The following LANCL1 variants were observed in gnomAD, a reference collection of about 807,000 sequenced individuals.
LANCL1 encodes the protein glutathione S-transferase LANCL1.
A neutral mutation model predicts 50.6 loss-of-function variants in LANCL1; 50 were observed. The ratio of observed to expected loss-of-function variants is 0.99; its 90% CI spans 0.79 to 1.25. The LOEUF is 1.25. Ranked by LOEUF, LANCL1 falls within the 50% of genes most tolerant of loss-of-function variation. LANCL1 has a pLI of 0.00. For synonymous variants in LANCL1, 188 were observed against 178.6 expected, an observed-to-expected ratio of 1.05 and a Z score of -0.42; for missense variants, 532 against 480.7, an observed-to-expected ratio of 1.11 and a Z score of -1.00.
At chr2:210,471,658 C>T (rs1694227492) in intron 3 of LANCL1, 1 of 533,396 alleles carries the variant, frequency 1.9e-6, no homozygotes, top group African/African-American at 1.9e-5. Context: ...GAAATTACAT[C>T]TGCAAATTAA....
Position 210,446,847 on chromosome 2 carries a change from GA to G in LANCL1, c.408-5405del, listed in dbSNP as rs1231133030. Among the ~76,000 whole-genome samples the G allele has an allele frequency of 1.3e-5, 2 of 152,098 alleles. 1 individual carries two copies. ...GAACGAAAGCCTCCAAGAAATAACG[GA>G]CTATGTGAAAAGATCAAACCTACAT... On this transcript the variant is annotated intron_variant, in intron 4 of 9. Coordinates refer to ENST00000450366, the MANE Select transcript of LANCL1 (RefSeq NM_006055.3).
At chr2:210,435,804 G>GT (rs1692908229) in intron 8 of LANCL1, among the ~76,000 whole-genome samples, 1 of 148,438 alleles carries the variant, frequency 6.7e-6, no homozygotes, top group African/African-American at 2.5e-5. Flanking sequence ...TTAAATAACT[G>GT]TATTTGTTAT....
rs138444585 is a variant in LANCL1, at chr2:210,455,262, G to A, written c.252C>T (p.Tyr84=). Residue 84 remains tyrosine (Y), a synonymous_variant, in exon 4 of 10, where the codon TAC becomes TAT. Coordinates refer to ENST00000450366, the MANE Select transcript of LANCL1 (RefSeq NM_006055.3). Reference sequence around the variant, plus strand: ...TTACATAGCCATGTGCTAACTGTAGGTAGGCAGGGTCCCCAAATACATCAT... The same window carrying A: ...TTACATAGCCATGTGCTAACTGTAGATAGGCAGGGTCCCCAAATACATCAT... ...HLYDVFGDPA[Y]LQLAHGYVKQ... 1.9e-4 allele frequency: 308 copies of A among 1,612,304 alleles called. No homozygotes were observed. The African/African-American group carries it at 2.7e-3, about 14-fold the overall frequency.
intron 4 of LANCL1, among the ~76,000 whole-genome samples, chr2:210,450,255 A>C (rs944406721): frequency 6.6e-6 from 1 of 152,202 alleles, no homozygotes; most frequent in African/African-American, 2.4e-5. Flanking sequence ...AGGATTCCCT[A>C]CTTAATAAAT....
chr2:210,470,127 G>C (rs531632148), intron 3 of LANCL1, among the ~76,000 whole-genome samples: 1 of 152,114 alleles, frequency 6.6e-6, no homozygotes, highest in Non-Finnish European at 1.5e-5. Flanking sequence ...TTCAAACCAC[G>C]ATAATTTTAA....
In LANCL1 at chr2:210,476,604, A is replaced by G. The variant is rs2105934660; in HGVS notation, c.-17+16T>C. 1 of 1,362,752 alleles carries G rather than the reference A, an allele frequency of 7.3e-7. No homozygotes were observed. The highest frequency in any genetic ancestry group is 1.8e-5 in the South Asian group (1 of 54,852). 84.4% of individuals were successfully genotyped at this position (1,362,752 alleles called of 1,614,324 possible). On this transcript the variant is annotated intron_variant, in intron 1 of 9. Coordinates refer to ENST00000450366, the MANE Select transcript of LANCL1 (RefSeq NM_006055.3). ...ATGGCGCCTTCGCGAAAAAGCTGCC[A>G]GGGCCCTTAACCCACCCGGACAAAG...
In LANCL1 at chr2:210,437,815, A is replaced by G. The variant is rs770914517; in HGVS notation, c.748T>C (p.Tyr250His). ...GAAGGGAATTTCAGCTGGCAGACGT[A>G]GTCTACACTGGGCTTGACCAAACTA... is the stretch of plus-strand genomic sequence containing the variant. ...LHSLVKPSVD[Y>H]VCQLKFPSGN... Residue 250 changes from tyrosine to histidine, a missense_variant, in exon 7 of 10, where the codon TAC (tyrosine) becomes CAC (histidine). Transcript: ENST00000450366. 1.5e-5 allele frequency: 25 copies of G among 1,613,384 alleles called. No homozygotes were observed. The East Asian group carries it at 5.4e-4, about 35-fold the overall frequency.
At chr2:210,442,408 C>T (rs2105892944) in intron 4 of LANCL1, 1 of 152,300 alleles carries the variant, frequency 6.6e-6, no homozygotes. Flanking sequence ...GACAATGGTT[C>T]CATAACAGCA....
At chr2:210,475,920 TCTC>T (rs1318477884) in intron 2 of LANCL1, among the ~76,000 whole-genome samples, 1 of 152,182 alleles carries the variant, frequency 6.6e-6, no homozygotes, top group African/African-American at 2.4e-5. Context: ...CACCGTTTGC[TCTC>T]ATCATTACCC....
At chr2:210,463,389 T>C (rs533972832) in intron 3 of LANCL1, among the ~76,000 whole-genome samples, 3 of 152,120 alleles carry the variant, frequency 2.0e-5, no homozygotes, top group African/African-American at 4.8e-5. Flanking sequence ...TAAAGTTTTT[T>C]TGAGGTTTAG....
chr2:210,473,174 G>T (rs1054412034), intron 2 of LANCL1, among the ~76,000 whole-genome samples: 1 of 152,124 alleles, frequency 6.6e-6, no homozygotes, highest in African/African-American at 2.4e-5. Flanking sequence ...TTAGGAGTTC[G>T]AGACCAGTCT....
intron 6 of LANCL1, among the ~76,000 whole-genome samples, chr2:210,438,125 TTTTC>T (rs1206404462): frequency 1.3e-5 from 2 of 151,332 alleles, no homozygotes; most frequent in African/African-American, 2.4e-5. Context: ...TATATATGGT[TTTTC>T]TTTCTTTTTT....
chr2:210,476,710 C>T lies in LANCL1; in HGVS notation c.-107G>A, dbSNP rs997811707. 1.9e-5 allele frequency: 22 copies of T among 1,156,828 alleles called. No homozygotes were observed. In the Admixed American group the frequency reaches 8.4e-4, roughly 44 times the overall value. The allele number at this position is 1,156,828 out of a possible 1,614,324, so 71.7% of individuals were successfully genotyped here. ...CCGCGTCCTGAAGCCCTTCTCGGCC[C>T]TGGCCTCTCACCCCGCAGCCCCGGA... On this transcript the variant is annotated 5_prime_UTR_variant, in exon 1 of 10. Coordinates refer to ENST00000450366, the MANE Select transcript of LANCL1 (RefSeq NM_006055.3).
intron 3 of LANCL1, among the ~76,000 whole-genome samples, chr2:210,464,546 A>G (rs192856652): frequency 7.9e-5 from 12 of 152,302 alleles, no homozygotes; most frequent in Admixed American, 7.2e-4. Flanking sequence ...TGTGTAGACC[A>G]GAAATATCGA....
In LANCL1 at chr2:210,432,821, G is replaced by C. The variant is rs1056265817; in HGVS notation, c.*1666C>G. ...AGGCAGAGCATGCACATGCTTACCAGCAGCACTTCAGCAATCTGAGAGGCA... is the reference window on the plus strand; with the variant it reads ...AGGCAGAGCATGCACATGCTTACCACCAGCACTTCAGCAATCTGAGAGGCA... On this transcript the variant is annotated 3_prime_UTR_variant, in exon 10 of 10. Coordinates refer to ENST00000450366, the MANE Select transcript of LANCL1 (RefSeq NM_006055.3). The C allele has an allele frequency of 1.3e-5, 2 of 152,192 alleles. No individual in the cohort carries two copies. Among genetic ancestry groups the C allele is most frequent in the Non-Finnish European group, 2.9e-5 (2 of 68,028 alleles). 9.4% of individuals were successfully genotyped at this position (152,192 alleles called of 1,614,324 possible). A position where few individuals can be genotyped will look rare whatever the true frequency, so the allele number is the denominator to read the frequency against.
In LANCL1 at chr2:210,440,701, T is replaced by C. The variant is rs1004027804; in HGVS notation, c.587A>G (p.Lys196Arg). Reference protein sequence around the residue: ...ILTSGENLARKRNFTAKSPLM... With the variant: ...ILTSGENLARRRNFTAKSPLM... ...TGGAGACTTTGCCGTGAAGTTTCTC[T>C]TCCTAGCTAGGTTTTCTCCAGAGGT... Residue 196 changes from lysine to arginine, a missense_variant, in exon 6 of 10, where the codon AAG becomes AGG. Coordinates refer to ENST00000450366, the MANE Select transcript of LANCL1 (RefSeq NM_006055.3). 6.2e-7 allele frequency: 1 copy of C among 1,613,908 alleles called. No homozygotes were observed. The highest frequency in any genetic ancestry group is 1.7e-5 in the Admixed American group (1 of 59,996).
intron 3 of LANCL1, among the ~76,000 whole-genome samples, chr2:210,463,773 T>G (rs1693951722): frequency 6.6e-6 from 1 of 152,184 alleles, no homozygotes; most frequent in South Asian, 2.1e-4. Context: ...TTAGACAATA[T>G]GGGACAGCTA....
Position 210,471,964 on chromosome 2 carries a change from C to T in LANCL1, c.194G>A (p.Trp65Ter), listed in dbSNP as rs1559723416. 6.2e-7 allele frequency: 1 copy of T among 1,610,176 alleles called. No individual in the cohort carries two copies. Among genetic ancestry groups the T allele is most frequent in the Non-Finnish European group, 8.5e-7 (1 of 1,176,386 alleles). Residue 65 changes from tryptophan (W) to a stop codon, truncating the protein, a stop_gained, in exon 3 of 10, where the codon TGG (tryptophan) becomes TAG (stop). Coordinates refer to ENST00000450366, the MANE Select transcript of LANCL1 (RefSeq NM_006055.3). LOFTEE classifies it high-confidence loss of function. ...TCACAGTCAGCACTTCATACCTGCC[C>T]AGCCAGTGTAACCGGTGCCATCCCG... ...DPRDGTGYTGWAGIAVLYLHL... is the reference protein window; with the variant it reads ...DPRDGTGYTG
intron 3 of LANCL1, among the ~76,000 whole-genome samples, chr2:210,462,610 A>G (rs890499505): frequency 6.6e-6 from 1 of 152,188 alleles, no homozygotes; most frequent in South Asian, 2.1e-4. Context: ...TCTCGGCCCA[A>G]TTAATTTTCT....
Sources: allele counts gnomAD v4.1 joint callset (sites outside exome capture counted in the v4.1 genomes callset), GRCh38; gene constraint gnomAD v4.1.1; transcripts MANE v1.5; gene names NCBI Gene and HGNC (gene_info 2026-07-23, HGNC 2026-07-21).